SEL1L2: variants seen among roughly 807,000 people sequenced by gnomAD.
The protein encoded by SEL1L2 is SEL1L2 adaptor subunit of SYVN1 ubiquitin ligase, also known as protein sel-1 homolog 2.
In SEL1L2, 89 loss-of-function variants were observed where a neutral mutation model predicts 98.8. That is an observed-to-expected ratio of 0.90 (90% CI 0.76 to 1.07). The LOEUF (loss-of-function observed/expected upper bound fraction) is 1.07. Among genes scored for constraint, SEL1L2 ranks in the 50% least tolerant of loss-of-function variants. The pLI, the probability that SEL1L2 is intolerant of heterozygous loss-of-function variation, is 0.00. For synonymous variants in SEL1L2, 262 were observed against 278.5 expected, an observed-to-expected ratio of 0.94 and a Z score of 0.59; for missense variants, 788 against 812.0, an observed-to-expected ratio of 0.97 and a Z score of 0.36.
At chr20:13,893,558 C>T (rs73085438) in intron 5 of SEL1L2, among the ~76,000 whole-genome samples, 7,049 of 152,052 alleles carry the variant, frequency 0.046, 240 homozygotes, top group Non-Finnish European at 0.075. Flanking sequence ...TAGAAAGTAA[C>T]GCAACAGTAG....
At chr20:13,971,388 A>G (rs2051275931) in intron 1 of SEL1L2, among the ~76,000 whole-genome samples, 1 of 151,928 alleles carries the variant, frequency 6.6e-6, no homozygotes, top group Admixed American at 6.6e-5. Context: ...TCCTTAAACT[A>G]TTTTTATAGT....
rs774446072 is a variant in SEL1L2, at chr20:13,859,276, A to G, written c.1804T>C (p.Leu602=). The part of the protein sequence containing the change: ...FNLAYMYEHG[L]GITKDIHLAR... ...AGCAAAATTACCTTTGTGATGCCTA[A>G]GCCGTGTTCATACATATAAGCCAGA... The change falls in exon 18 of 20, where the codon TTA becomes CTA. Residue 602 remains leucine, a synonymous_variant. Transcript: ENST00000284951. The G allele has an allele frequency of 1.2e-6, 2 of 1,614,122 alleles. No individual in the cohort carries two copies. The highest frequency in any genetic ancestry group is 4.5e-5 in the East Asian group (2 of 44,868).
intron 1 of SEL1L2, among the ~76,000 whole-genome samples, chr20:13,978,775 C>A (rs1293315727): frequency 6.6e-6 from 1 of 152,002 alleles, no homozygotes; most frequent in Admixed American, 6.6e-5. Context: ...AGAATGAAAT[C>A]ACCAGGTGCG....
At chr20:13,970,673 A>C (rs1295761665) in intron 1 of SEL1L2, among the ~76,000 whole-genome samples, 1 of 152,060 alleles carries the variant, frequency 6.6e-6, no homozygotes, top group African/African-American at 2.4e-5. Context: ...TCTCTACTAA[A>C]AATACAAAAT....
intron 19 of SEL1L2, 42 bp downstream of exon 19, chr20:13,850,149 G>A (rs754150785): frequency 6.2e-7 from 1 of 1,610,602 alleles, no homozygotes; most frequent in African/African-American, 1.3e-5. Context: ...GTTGCTCACT[G>A]GAGACTTTCA....
At chr20:13,859,999 C>T (rs754768889) in intron 17 of SEL1L2, among the ~76,000 whole-genome samples, 1 of 152,204 alleles carries the variant, frequency 6.6e-6, no homozygotes, top group Non-Finnish European at 1.5e-5. Context: ...CCTCCGCGCC[C>T]GGCCAAATGT....
chr20:13,876,509 C>A (rs1362893478), intron 11 of SEL1L2, among the ~76,000 whole-genome samples: 1 of 150,816 alleles, frequency 6.6e-6, no homozygotes, highest in African/African-American at 2.4e-5. Context: ...TGCAGGGAGC[C>A]AAGGGTGGCA....
At chr20:13,939,647 G>C (rs2049649363) in intron 2 of SEL1L2, among the ~76,000 whole-genome samples, 1 of 129,438 alleles carries the variant, frequency 7.7e-6, no homozygotes, top group Admixed American at 8.9e-5. Flanking sequence ...AATAGTCATG[G>C]AATGAAACAC....
chr20:13,915,389 G>A, intron 4 of SEL1L2: 1 of 454,150 alleles, frequency 2.2e-6, no homozygotes, highest in South Asian at 2.1e-5. Flanking sequence ...TGGTCTCAAG[G>A]TCACTAAAGG....
rs757994553 is a variant in SEL1L2 at position 13,959,009 on chromosome 20, C to A, written c.59-2878G>T. ...GGCGGCCATCGGAAATTGACAACGA[C>A]CAGTTGAGAGCAGTCATTAAAGCTG... is the stretch of plus-strand genomic sequence containing the variant. On this transcript the variant is annotated intron_variant, in intron 1 of 19. Transcript: ENST00000284951. Among the ~76,000 whole-genome samples, 65 of 151,684 alleles carry A rather than the reference C, an allele frequency of 4.3e-4. 1 individual carries two copies. Among genetic ancestry groups the A allele is most frequent in the Admixed American group, 2.6e-4 (4 of 15,250 alleles).
intron 3 of SEL1L2, chr20:13,928,434 G>C (rs1403822101): frequency 1.3e-5 from 2 of 152,186 alleles, no homozygotes; most frequent in Non-Finnish European, 2.9e-5. Context: ...CACTGTATAA[G>C]ACATTCTAGT....
chr20:13,901,284 A>G (rs1413220712), intron 5 of SEL1L2, among the ~76,000 whole-genome samples: 2 of 151,608 alleles, frequency 1.3e-5, no homozygotes, highest in Non-Finnish European at 2.9e-5. Flanking sequence ...GTTAGCCAGG[A>G]TGGTCTCGAT....
intron 5 of SEL1L2, among the ~76,000 whole-genome samples, chr20:13,903,951 T>C (rs2047803619): frequency 6.6e-6 from 1 of 152,240 alleles, no homozygotes; most frequent in East Asian, 1.9e-4. Flanking sequence ...CACATTTTTA[T>C]TTTTTCATCT....
At chr20:13,925,144 A>C (rs1172679384) in intron 3 of SEL1L2, among the ~76,000 whole-genome samples, 1 of 151,982 alleles carries the variant, frequency 6.6e-6, no homozygotes, top group Non-Finnish European at 1.5e-5. Context: ...GTACCTCACA[A>C]AAAAAAATAC....
At chr20:13,876,803 T>C (rs2046453436) in intron 11 of SEL1L2, among the ~76,000 whole-genome samples, 1 of 152,166 alleles carries the variant, frequency 6.6e-6, no homozygotes, top group Non-Finnish European at 1.5e-5. Context: ...GGAGGAGCCC[T>C]GGGCCAGGTG....
intron 1 of SEL1L2, among the ~76,000 whole-genome samples, chr20:13,989,044 T>G (rs2052403389): frequency 6.6e-6 from 1 of 152,210 alleles, no homozygotes; most frequent in South Asian, 2.1e-4. Flanking sequence ...TAAATAAAGA[T>G]TGTGTTGAAT....
chr20:13,925,111 C>T (rs894012104), intron 3 of SEL1L2, among the ~76,000 whole-genome samples: 7 of 152,030 alleles, frequency 4.6e-5, no homozygotes, highest in Non-Finnish European at 7.4e-5. Flanking sequence ...TGCACTCCAG[C>T]GTGGGCAACA....
upstream of SEL1L2, among the ~76,000 whole-genome samples, chr20:13,992,093 A>C (rs1483520486): frequency 1.3e-5 from 2 of 152,200 alleles, no homozygotes; most frequent in African/African-American, 2.4e-5. Context: ...AACAAAGGTC[A>C]GGTAGGGTCA....
intron 5 of SEL1L2, among the ~76,000 whole-genome samples, chr20:13,893,634 C>T (rs1038765508): frequency 6.6e-6 from 1 of 152,082 alleles, no homozygotes; most frequent in South Asian, 2.1e-4. Flanking sequence ...TAACAAAAGA[C>T]CTTATTGTAT....
Sources: allele counts gnomAD v4.1 joint callset (sites outside exome capture counted in the v4.1 genomes callset), GRCh38; gene constraint gnomAD v4.1.1; transcripts MANE v1.5; gene names NCBI Gene and HGNC (gene_info 2026-07-23, HGNC 2026-07-21).